Variants in LHX8 observed in about 807,000 individuals in gnomAD.
The protein encoded by LHX8 is LIM homeobox 8, also known as LIM/homeobox protein Lhx8.
A neutral mutation model predicts 40.3 loss-of-function variants in LHX8; 12 were observed. The observed-to-expected ratio is 0.30, with a 90% CI of 0.19 to 0.48. The LOEUF is 0.48. LHX8 is among the 20% of genes least tolerant of loss of function. The pLI, the probability that LHX8 is intolerant of heterozygous loss-of-function variation, is 0.99. For synonymous variants in LHX8, 179 were observed against 162.0 expected (o/e 1.10, Z -0.80); for missense variants, 344 against 433.7 (o/e 0.79, Z 1.84).
At chr1:75,145,926 C>T (rs1648448852) in intron 6 of LHX8, among the ~76,000 whole-genome samples, 1 of 152,180 alleles carries the variant, frequency 6.6e-6, no homozygotes, top group Admixed American at 6.5e-5. Context: ...TTTCAGATTA[C>T]TGATGAAAGC....
chr1:75,167,572 C>G, the LHX8 span, among the ~76,000 whole-genome samples: 4 of 152,158 alleles, frequency 2.6e-5, no homozygotes, highest in Non-Finnish European at 5.9e-5. Context: ...TCCCCACACC[C>G]CACCCCAATG....
intron 7 of LHX8, among the ~76,000 whole-genome samples, chr1:75,149,620 A>G (rs958025076): frequency 1.3e-5 from 2 of 152,040 alleles, no homozygotes; most frequent in African/African-American, 4.8e-5. Context: ...ACGCAATCAC[A>G]GCTCACTGCA....
chr1:75,190,173 G>T, the LHX8 span, among the ~76,000 whole-genome samples: 3 of 152,138 alleles, frequency 2.0e-5, no homozygotes, highest in Non-Finnish European at 4.4e-5. Context: ...CCTTTTAGCT[G>T]GGTCTTAACG....
chr1:75,169,410 T>C, the LHX8 span, among the ~76,000 whole-genome samples: 1 of 152,190 alleles, frequency 6.6e-6, no homozygotes, highest in South Asian at 2.1e-4. Context: ...TTAAATATAA[T>C]GCAGTTGAGC....
chr1:75,141,023 C>T lies in LHX8; in HGVS notation c.276C>T (p.Cys92=), dbSNP rs781458951. ...GCTGGCATGTCCGGTGTCTCTCCTG[C>T]AGTGTTTGCAGAACCTCCCTAGGAA... The part of the protein sequence containing the change: ...DLCWHVRCLS[C]SVCRTSLGRH... Residue 92 remains cysteine, a synonymous_variant, in exon 4 of 9, where the codon TGC becomes TGT. Transcript: ENST00000356261. The T allele has an allele frequency of 9.9e-6, 16 of 1,613,560 alleles. No homozygotes were observed. The highest frequency in any genetic ancestry group is 1.4e-5 in the Non-Finnish European group (16 of 1,179,572).
rs1024861966 is a variant in LHX8, at chr1:75,148,917, G to GT, written c.780+242dup. Among the ~76,000 whole-genome samples, 6 of 152,048 alleles carry GT rather than the reference G, an allele frequency of 3.9e-5. No homozygotes were observed. The East Asian group carries it at 7.7e-4, about 20-fold the overall frequency. On this transcript the variant is annotated intron_variant, in intron 7 of 8. Coordinates refer to ENST00000356261, the MANE Select transcript of LHX8 (RefSeq NM_001256114.2). ...TGGGTATTTATAAGTATGCATTGGTGTTTTTTTGTGTGTGAAGAAATGTGA... is the reference window on the plus strand; with the variant it reads ...TGGGTATTTATAAGTATGCATTGGTGTTTTTTTTGTGTGTGAAGAAATGTGA...
chr1:75,144,398 T>C (rs542058772), intron 6 of LHX8, among the ~76,000 whole-genome samples: 9 of 152,246 alleles, frequency 5.9e-5, no homozygotes, highest in Admixed American at 2.6e-4. Flanking sequence ...ATGAACACAA[T>C]TGTACAGTTT....
At chr1:75,150,095 A>G (rs1406664357) in intron 7 of LHX8, among the ~76,000 whole-genome samples, 2 of 152,258 alleles carry the variant, frequency 1.3e-5, no homozygotes, top group African/African-American at 4.8e-5. Context: ...AAAAACAGCC[A>G]GGCATGCTAG....
chr1:75,165,809 C>T (rs894375604), downstream of LHX8, among the ~76,000 whole-genome samples: 5 of 152,276 alleles, frequency 3.3e-5, no homozygotes, highest in Non-Finnish European at 7.4e-5. Context: ...GGAAAATATT[C>T]TACCCTTCCT....
Position 75,157,013 on chromosome 1 carries a change from G to T in LHX8, c.901G>T (p.Ala301Ser), listed in dbSNP as rs769768093. Reference protein sequence around the residue: ...RLSPPMLEEMAYSAYVPQDGT... With the variant: ...RLSPPMLEEMSYSAYVPQDGT... ...GTCTCCACCCATGTTAGAAGAAATG[G>T]CTTATTCTGCCTACGTGCCCCAAGA... The change falls in exon 8 of 9, where the codon GCT becomes TCT. Residue 301 changes from alanine (A) to serine (S), a missense_variant. Ala to Ser is a moderately conservative substitution (Grantham distance 99, BLOSUM62 1). Coordinates refer to ENST00000356261, the MANE Select transcript of LHX8 (RefSeq NM_001256114.2). 40 of 1,614,118 alleles carry T rather than the reference G, an allele frequency of 2.5e-5. No homozygotes were observed. In the South Asian group the frequency reaches 4.1e-4, roughly 16 times the overall value.
At chr1:75,130,793 T>G, upstream of LHX8, 1 of 1,522,048 alleles carries the variant, frequency 6.6e-7, no homozygotes, top group Non-Finnish European at 9.1e-7. Context: ...AGACTAATAT[T>G]TATAATGGTT....
chr1:75,151,805 A>G (rs1185480856), intron 7 of LHX8, among the ~76,000 whole-genome samples: 1 of 152,228 alleles, frequency 6.6e-6, no homozygotes, highest in African/African-American at 2.4e-5. Flanking sequence ...GAAGAAGGAG[A>G]GTTTTCTTAG....
the LHX8 span, among the ~76,000 whole-genome samples, chr1:75,184,826 T>C: frequency 6.6e-6 from 1 of 150,896 alleles, no homozygotes; most frequent in Admixed American, 6.6e-5. Context: ...CAGCTGTTTT[T>C]TTTTTTTTGG....
At chr1:75,143,985 C>T (rs1648393316) in intron 6 of LHX8, 37 bp downstream of exon 6, 1 of 1,553,996 alleles carries the variant, frequency 6.4e-7, no homozygotes, top group Admixed American at 1.7e-5. Context: ...TTTGAAGCCC[C>T]TCCCAACCAA....
At chr1:75,136,815 G>A in intron 2 of LHX8, 126 bp downstream of exon 2, 1 of 777,036 alleles carries the variant, frequency 1.3e-6, no homozygotes, top group Non-Finnish European at 2.1e-6. Context: ...CAGAGGACGG[G>A]GCGGAGAGGG....
the LHX8 span, among the ~76,000 whole-genome samples, chr1:75,183,971 T>C: frequency 2.4e-3 from 365 of 152,054 alleles, 7 homozygotes; most frequent in East Asian, 0.054. Context: ...AAGCCAGATT[T>C]GCAATCCTAA....
downstream of LHX8, among the ~76,000 whole-genome samples, chr1:75,163,606 G>T (rs1439216903): frequency 6.6e-6 from 1 of 152,082 alleles, no homozygotes. Flanking sequence ...ACAAGTTCAG[G>T]TACACTGGAT....
chr1:75,195,406 G>T, the LHX8 span, among the ~76,000 whole-genome samples: 1 of 152,098 alleles, frequency 6.6e-6, no homozygotes, highest in Non-Finnish European at 1.5e-5. Flanking sequence ...AGGGAGAAAA[G>T]GAAACAGTCC....
chr1:75,166,060 G>T (rs1570312427), downstream of LHX8, among the ~76,000 whole-genome samples: 1 of 152,218 alleles, frequency 6.6e-6, no homozygotes, highest in African/African-American at 2.4e-5. Context: ...GAAGGGCGGG[G>T]TTAGTGGCAG....
Sources: allele counts gnomAD v4.1 joint callset (sites outside exome capture counted in the v4.1 genomes callset), GRCh38; gene constraint gnomAD v4.1.1; transcripts MANE v1.5; gene names NCBI Gene and HGNC (gene_info 2026-07-23, HGNC 2026-07-21).